Variants in NHS observed in about 807,000 individuals in gnomAD.
NHS encodes NHS actin remodeling regulator.
Under a neutral mutation model 72.5 loss-of-function variants are expected in NHS, and 5 were observed. That is an observed-to-expected ratio of 0.07 (90% confidence interval 0.04 to 0.14). The LOEUF (loss-of-function observed/expected upper bound fraction) is 0.14, where lower values mean the gene tolerates loss of function less well. NHS is among the 10% of genes least tolerant of loss of function. NHS has a pLI of 1.00. For synonymous variants in NHS, 464 were observed against 547.7 expected (o/e 0.85, Z 2.13); for missense variants, 1,072 against 1,355.7 (o/e 0.79, Z 3.29).
At chrX:17,479,026 G>T (rs1264103717) in intron 1 of NHS, among the ~76,000 whole-genome samples, 1 of 111,304 alleles carries the variant, frequency 9.0e-6, no homozygotes, top group African/African-American at 3.3e-5. Context: ...TCTACATTAG[G>T]TATTTCTCCT....
rs191737875 is a variant in NHS, at chrX:17,635,422, T to G, written c.566-52320T>G. 663 of 1,160,668 alleles carry G rather than the reference T, an allele frequency of 5.7e-4. 3 individuals carry two copies. In the African/African-American group the frequency reaches 0.01, roughly 18 times the overall value. On this transcript the variant is annotated intron_variant, in intron 1 of 8. Coordinates refer to ENST00000676302, the MANE Select transcript of NHS (RefSeq NM_001291867.2). ...TTCTGTGAAAATCTGCCATCCTCCT[T>G]GCAGAAGGTTGCCCTCTCTCGCCCT...
chrX:17,474,720 C>G (rs773031814), intron 1 of NHS, among the ~76,000 whole-genome samples: 3 of 111,928 alleles, frequency 2.7e-5, no homozygotes, highest in Admixed American at 1.9e-4. Flanking sequence ...GAGGCAGCTC[C>G]TTTCTGCAGA....
intron 1 of NHS, among the ~76,000 whole-genome samples, chrX:17,504,980 T>A (rs939711654): frequency 4.5e-5 from 5 of 111,724 alleles, no homozygotes; most frequent in African/African-American, 1.6e-4. Context: ...TTCATGTGTA[T>A]CATTTCAGAA....
intron 2 of NHS, among the ~76,000 whole-genome samples, chrX:17,690,069 C>T (rs2066186635): frequency 9.0e-6 from 1 of 111,425 alleles, no homozygotes; most frequent in African/African-American, 3.3e-5. Flanking sequence ...TGTGGAGATG[C>T]GTTTTACCCT....
At chrX:17,449,835 AT>A (rs753795813) in intron 1 of NHS, among the ~76,000 whole-genome samples, 4 of 110,970 alleles carry the variant, frequency 3.6e-5, no homozygotes, top group African/African-American at 1.3e-4. Context: ...TTTCATCTTT[AT>A]TTTTTTTATT....
intron 1 of NHS, among the ~76,000 whole-genome samples, chrX:17,526,377 C>G (rs769751067): frequency 5.5e-4 from 62 of 112,372 alleles, no homozygotes; most frequent in Admixed American, 5.2e-3. Context: ...GCAGTGTCCT[C>G]TTATCGTCTA....
chrX:17,444,766 G>C, intron 1 of NHS, among the ~76,000 whole-genome samples: 1 of 111,297 alleles, frequency 9.0e-6, no homozygotes, highest in African/African-American at 3.3e-5. Flanking sequence ...ATTTCCTTCT[G>C]TCCTTCCTGA....
intron 1 of NHS, among the ~76,000 whole-genome samples, chrX:17,517,794 T>A (rs111624933): frequency 0.061 from 6,819 of 111,845 alleles, 546 homozygotes; most frequent in African/African-American, 0.21. Flanking sequence ...TTCAATTTCA[T>A]TTAGTTAGGC....
chrX:17,377,856 G>T (rs963573829), intron 1 of NHS, among the ~76,000 whole-genome samples: 2 of 112,877 alleles, frequency 1.8e-5, no homozygotes, highest in Admixed American at 9.3e-5. Context: ...TAGGACTGCC[G>T]TAGGCCAAGT....
intron 1 of NHS, among the ~76,000 whole-genome samples, chrX:17,570,113 G>C (rs1424002359): frequency 8.9e-6 from 1 of 111,962 alleles, no homozygotes; most frequent in Non-Finnish European, 1.9e-5. Flanking sequence ...GATGCCTCCA[G>C]CTTTGTTCTT....
chrX:17,605,792 T>G (rs2065675643), intron 1 of NHS, among the ~76,000 whole-genome samples: 1 of 111,576 alleles, frequency 9.0e-6, no homozygotes, highest in African/African-American at 3.3e-5. Flanking sequence ...AGTTTGTCAC[T>G]GTGGGGAAAG....
rs960935453 is a variant in NHS at position 17,529,421 on chromosome X, G to C, written c.565+153099G>C. Among the ~76,000 whole-genome samples, 3 of 112,091 alleles carry C rather than the reference G, an allele frequency of 2.7e-5. No homozygotes were observed. In the East Asian group the frequency reaches 8.4e-4, roughly 32 times the overall value. On this transcript the variant is annotated intron_variant, in intron 1 of 8. Coordinates refer to ENST00000676302, the MANE Select transcript of NHS (RefSeq NM_001291867.2). ...GCAATCAAAAGAGAAATGCGAAGGG[G>C]TTGGAAAATGAAGAGGTGTCAGATC... is the stretch of plus-strand genomic sequence containing the variant.
chrX:17,682,967 T>A (rs2066138438), intron 1 of NHS, among the ~76,000 whole-genome samples: 1 of 111,664 alleles, frequency 9.0e-6, no homozygotes, highest in African/African-American at 3.3e-5. Context: ...ACGGGCCTAG[T>A]CTTTCCAAGA....
intron 1 of NHS, among the ~76,000 whole-genome samples, chrX:17,498,157 G>A (rs1282104580): frequency 8.9e-6 from 1 of 111,967 alleles, no homozygotes; most frequent in East Asian, 2.8e-4. Flanking sequence ...AAGTTTCTGG[G>A]CCAAAATGTT....
intron 1 of NHS, among the ~76,000 whole-genome samples, chrX:17,464,168 T>G (rs959047583): frequency 1.8e-5 from 2 of 111,763 alleles, no homozygotes; most frequent in Non-Finnish European, 3.8e-5. Context: ...AGAATGGGAC[T>G]GAGAGATAGA....
intron 1 of NHS, among the ~76,000 whole-genome samples, chrX:17,456,598 C>T (rs183017327): frequency 1.5e-3 from 168 of 112,200 alleles, no homozygotes; most frequent in Non-Finnish European, 2.3e-3. Flanking sequence ...GAATGAGCGC[C>T]GCGTTAAGAC....
chrX:17,448,198 G>A (rs757669249), intron 1 of NHS, among the ~76,000 whole-genome samples: 1 of 112,001 alleles, frequency 8.9e-6, no homozygotes, highest in Admixed American at 9.5e-5. Flanking sequence ...TATGATCACA[G>A]CATCTCTGAA....
intron 1 of NHS, among the ~76,000 whole-genome samples, chrX:17,622,182 G>A (rs1034195459): frequency 1.8e-5 from 2 of 111,975 alleles, no homozygotes; most frequent in Non-Finnish European, 3.8e-5. Context: ...GGTGTGGGGA[G>A]GCACTACTCC....
intron 1 of NHS, among the ~76,000 whole-genome samples, chrX:17,405,073 C>G (rs2064523009): frequency 8.9e-6 from 1 of 112,094 alleles, no homozygotes; most frequent in African/African-American, 3.2e-5. Context: ...ACCTTCTACA[C>G]TGTTATTCGG....
Sources: allele counts gnomAD v4.1 joint callset (sites outside exome capture counted in the v4.1 genomes callset), GRCh38; gene constraint gnomAD v4.1.1; transcripts MANE v1.5; gene names NCBI Gene and HGNC (gene_info 2026-07-23, HGNC 2026-07-21).